MBTPS2: variants seen among roughly 807,000 people sequenced by gnomAD.
The protein encoded by MBTPS2 is membrane-bound transcription factor site-2 protease.
MBTPS2 carries 2 observed loss-of-function variants against 35.4 expected under a neutral mutation model. That is an observed-to-expected ratio of 0.06 (90% CI 0.02 to 0.18). The LOEUF (loss-of-function observed/expected upper bound fraction) is 0.18, where lower values mean the gene tolerates loss of function less well. Among genes scored for constraint, MBTPS2 ranks in the 10% least tolerant of loss-of-function variants. MBTPS2 has a pLI of 1.00. For missense variants in MBTPS2, 244 were observed against 386.5 expected (o/e 0.63, Z 3.09); for synonymous variants, 125 against 140.4 (o/e 0.89, Z 0.77).
intron 5 of MBTPS2, among the ~76,000 whole-genome samples, chrX:21,863,638 A>C (rs2147444232): frequency 8.9e-6 from 1 of 112,020 alleles, no homozygotes; most frequent in African/African-American, 3.2e-5. Context: ...CTTTTTCCTT[A>C]AAATTGACAC....
intron 5 of MBTPS2, among the ~76,000 whole-genome samples, chrX:21,859,813 C>T (rs889694904): frequency 1.3e-4 from 15 of 111,767 alleles, no homozygotes; most frequent in African/African-American, 4.2e-4. Context: ...GCCAATAGTG[C>T]CAGGTGCAGG....
rs1390843842 is a variant in MBTPS2 at position 21,884,623 on chromosome X, C to G, written c.*1968C>G. On this transcript the variant is annotated 3_prime_UTR_variant, in exon 11 of 11. Coordinates refer to ENST00000379484, the MANE Select transcript of MBTPS2 (RefSeq NM_015884.4). ...CAGATCAGTACCATTTGTATAAAAC[C>G]GGCCTCATTATGTAAGAAAGAAAAT... 4.0e-6 allele frequency: 3 copies of G among 752,055 alleles called. No homozygotes were observed. The highest frequency in any genetic ancestry group is 6.8e-5 in the South Asian group (1 of 14,656). The allele number at this position is 752,055 out of a possible 1,213,427, so 62.0% of individuals were successfully genotyped here. A position where few individuals can be genotyped will look rare whatever the true frequency, so the allele number is the denominator to read the frequency against.
chrX:21,866,665 T>C (rs771681573), intron 5 of MBTPS2, among the ~76,000 whole-genome samples: 2 of 111,611 alleles, frequency 1.8e-5, no homozygotes, highest in South Asian at 7.5e-4. Context: ...AGATGTCGTG[T>C]TCCTATGTCA....
intron 10 of MBTPS2, 139 bp from the exon 11 acceptor site, chrX:21,882,293 AG>A (rs5901687): frequency 0.1 from 53,059 of 514,330 alleles, 1,967 homozygotes; most frequent in East Asian, 0.12. Context: ...AGATCTAAGA[AG>A]GAATGGCAGA....
At chrX:21,859,722 G>C (rs1321997748) in intron 5 of MBTPS2, among the ~76,000 whole-genome samples, 1 of 111,881 alleles carries the variant, frequency 8.9e-6, no homozygotes, top group Non-Finnish European at 1.9e-5. Context: ...CATCTGGTGG[G>C]TGGAGGGAGA....
At chrX:21,857,739 T>C in intron 5 of MBTPS2, 1 of 751,691 alleles carries the variant, frequency 1.3e-6, no homozygotes, top group Non-Finnish European at 1.9e-6. Flanking sequence ...AAGGTTCGTG[T>C]TTTGTTAGAG....
At chrX:21,881,915 G>A (rs780485230) in intron 10 of MBTPS2, among the ~76,000 whole-genome samples, 23 of 111,367 alleles carry the variant, frequency 2.1e-4, no homozygotes, top group East Asian at 8.4e-4. Flanking sequence ...CAGCCTGGGC[G>A]ACAGAGCTAG....
chrX:21,842,178 G>A (rs1022770745), intron 1 of MBTPS2, among the ~76,000 whole-genome samples: 23 of 111,831 alleles, frequency 2.1e-4, no homozygotes, highest in African/African-American at 7.1e-4. Context: ...ATATAACACA[G>A]CCTTATGTCA....
chrX:21,856,791 G>A lies in MBTPS2; in HGVS notation c.670+3288G>A, dbSNP rs147081325. ...CAACCAGCTAGGCAACGACTTGGAG[G>A]ACCAGTTGGCCCTCCCGGATAGCAT... On this transcript the variant is annotated intron_variant, in intron 5 of 10. Coordinates refer to ENST00000379484, the MANE Select transcript of MBTPS2 (RefSeq NM_015884.4). The A allele has an allele frequency of 3.3e-5, 40 of 1,209,964 alleles. No homozygotes were observed. In the African/African-American group the frequency reaches 6.3e-4, roughly 19 times the overall value.
chrX:21,857,615 C>T (rs1400845031), intron 5 of MBTPS2: 43 of 1,188,287 alleles, frequency 3.6e-5, no homozygotes, highest in Non-Finnish European at 4.3e-5. Context: ...AAGGAGAAGA[C>T]CCCTCTCAGA....
At position 21,845,402 on chromosome X, in the gene MBTPS2, G is replaced by A. The variant is rs372340222; in HGVS notation, c.438+18G>A. 180 of 1,175,662 alleles carry A rather than the reference G, an allele frequency of 1.5e-4. No homozygotes were observed. In the African/African-American group the frequency reaches 1.9e-3, roughly 13 times the overall value. On this transcript the variant is annotated intron_variant, in intron 3 of 10. Transcript: ENST00000379484. ...AAGTTGTGGTAAGTATCGTCTTTTCGCTTTAAATAACTATCGAAATAGAGA... is the reference window on the plus strand; with the variant it reads ...AAGTTGTGGTAAGTATCGTCTTTTCACTTTAAATAACTATCGAAATAGAGA...
At chrX:21,864,358 G>A (rs1289324707) in intron 5 of MBTPS2, among the ~76,000 whole-genome samples, 2 of 111,220 alleles carry the variant, frequency 1.8e-5, no homozygotes, top group South Asian at 7.6e-4. Flanking sequence ...CTCAGCCTCC[G>A]AAGTAGCTGG....
Position 21,844,109 on chromosome X carries a change from CAAATAAATAAATAAAT to C in MBTPS2, c.224+821_224+836del, listed in dbSNP as rs57351369. On this transcript the variant is annotated intron_variant, in intron 2 of 10. Transcript: ENST00000379484. ...TGTGTGACACAGCAAGACCCTATCT[CAAATAAATAAATAAAT>C]AAATAAATAAATAAATAAATAAATA... 5.9e-3 allele frequency among the ~76,000 whole-genome samples: 571 copies of C among 96,463 alleles called. 7 individuals carry two copies. Among genetic ancestry groups the C allele is most frequent in the African/African-American group, 0.021 (530 of 25,340 alleles). 83.8% of individuals were successfully genotyped at this position (96,463 alleles called of 115,157 possible). A position where few individuals can be genotyped will look rare whatever the true frequency, so the allele number is the denominator to read the frequency against.
At position 21,882,681 on chromosome X, in the gene MBTPS2, C is replaced by T. The variant is rs1454449834; in HGVS notation, c.*26C>T. ...TGTTTGCACTCATCTGACAGAATCC[C>T]TGAGTTACAGTATACAGCTATGTGG... On this transcript the variant is annotated 3_prime_UTR_variant, in exon 11 of 11. Coordinates refer to ENST00000379484, the MANE Select transcript of MBTPS2 (RefSeq NM_015884.4). 5.8e-6 allele frequency: 7 copies of T among 1,205,849 alleles called. No individual in the cohort carries two copies. In the Admixed American group the frequency reaches 1.5e-4, roughly 26 times the overall value.
intron 7 of MBTPS2, chrX:21,870,805 G>C (rs2147449219): frequency 9.0e-6 from 1 of 111,644 alleles, no homozygotes; most frequent in South Asian, 3.7e-4. Context: ...AACTTATTTA[G>C]AGTTATTTCA....
At chrX:21,862,857 C>T (rs1209837673) in intron 5 of MBTPS2, among the ~76,000 whole-genome samples, 13 of 87,935 alleles carry the variant, frequency 1.5e-4, no homozygotes, top group Non-Finnish European at 2.9e-4. Flanking sequence ...TATATATACA[C>T]ATATATATAA....
chrX:21,870,407 T>C (rs1481107821), intron 7 of MBTPS2: 1 of 111,303 alleles, frequency 9.0e-6, no homozygotes, highest in Non-Finnish European at 1.9e-5. Context: ...TAAGCTTATG[T>C]CAGAACAGAT....
chrX:21,854,550 T>C (rs2092918246), intron 5 of MBTPS2, among the ~76,000 whole-genome samples: 1 of 111,877 alleles, frequency 8.9e-6, no homozygotes, highest in Non-Finnish European at 1.9e-5. Flanking sequence ...ACCAAAAGCA[T>C]TATATTAGAC....
At chrX:21,868,615 TC>T in intron 6 of MBTPS2, 30 bp downstream of exon 6, 1 of 991,769 alleles carries the variant, frequency 1.0e-6, no homozygotes, top group Non-Finnish European at 1.4e-6. Flanking sequence ...GGGCATTCTT[TC>T]ATCAGATGTT....
Sources: gnomAD v4.1 joint callset for allele counts (sites outside exome capture counted in the v4.1 genomes callset) on GRCh38, gnomAD v4.1.1 for gene constraint, MANE v1.5 for transcripts, NCBI Gene and HGNC (gene_info 2026-07-23, HGNC 2026-07-21) for gene names.